Variants in KIAA1549 observed in about 807,000 individuals in gnomAD.
The protein encoded by KIAA1549 is UPF0606 protein KIAA1549.
Under a neutral mutation model 156.4 loss-of-function variants are expected in KIAA1549, and 70 were observed. The ratio of observed to expected loss-of-function variants is 0.45; its 90% CI spans 0.37 to 0.55. The LOEUF (loss-of-function observed/expected upper bound fraction) is 0.55. KIAA1549 is among the 20% of genes least tolerant of loss of function. The probability of loss-of-function intolerance (pLI) is 0.00; values close to 1 mark genes in which losing one functional copy is unlikely to be tolerated. For missense variants in KIAA1549, 2,428 were observed against 2,540.9 expected (o/e 0.96, Z 0.96); for synonymous variants, 1,103 against 1,066.4 (o/e 1.03, Z -0.67).
intron 15 of KIAA1549, among the ~76,000 whole-genome samples, chr7:138,865,995 G>A (rs1810728250): frequency 1.3e-5 from 2 of 152,080 alleles, no homozygotes; most frequent in Admixed American, 1.3e-4. Context: ...AGCTCCGGGT[G>A]ACAACCCTGG....
intron 1 of KIAA1549, among the ~76,000 whole-genome samples, chr7:138,966,136 T>C (rs540498865): frequency 6.6e-6 from 1 of 152,280 alleles, no homozygotes; most frequent in African/African-American, 2.4e-5. Context: ...AAAATTCACA[T>C]GTTGAAGTCC....
Position 138,836,247 on chromosome 7 carries a change from T to C in KIAA1549, c.*1659A>G, listed in dbSNP as rs1809702810. 1 of 203,312 alleles carries C rather than the reference T, an allele frequency of 4.9e-6. No individual in the cohort carries two copies. The highest frequency in any genetic ancestry group is 1.9e-4 in the South Asian group (1 of 5,286). The allele number at this position is 203,312 out of a possible 1,614,324, so 12.6% of individuals were successfully genotyped here. ...AGTCCCATAAGATTATAAAATTGTATTTTTACCATACCTTTTCTATGTTTA... is the reference window on the plus strand; with the variant it reads ...AGTCCCATAAGATTATAAAATTGTACTTTTACCATACCTTTTCTATGTTTA... On this transcript the variant is annotated 3_prime_UTR_variant, in exon 20 of 20. Coordinates refer to ENST00000422774, the MANE Select transcript of KIAA1549 (RefSeq NM_001164665.2).
rs932882306 is a variant in KIAA1549 at position 138,832,734 on chromosome 7, C to T, written c.*5172G>A. ...GCTGCTGTGTTTTAAGATAAATTAT[C>T]AAGCCTACTGTCACACACACAAGCA... On this transcript the variant is annotated 3_prime_UTR_variant, in exon 20 of 20. Transcript: ENST00000422774. 1 of 219,978 alleles carries T rather than the reference C, an allele frequency of 4.5e-6. No homozygotes were observed. The highest frequency in any genetic ancestry group is 9.1e-6 in the Non-Finnish European group (1 of 109,896). 13.6% of individuals were successfully genotyped at this position (219,978 alleles called of 1,614,324 possible).
At position 138,879,591 on chromosome 7, in the gene KIAA1549, T is replaced by A. The variant is rs377594285; in HGVS notation, c.4292A>T (p.Asp1431Val). 5.7e-5 allele frequency: 89 copies of A among 1,568,996 alleles called. No individual in the cohort carries two copies. Among genetic ancestry groups the A allele is most frequent in the Non-Finnish European group, 5.6e-5 (65 of 1,156,888 alleles). ...SEESSERDAG[D>V]KTPGAVNDGR... Reference sequence around the variant, plus strand: ...ATCGTTGACGGCTCCCGGCGTCTTATCTCCTGCGTCCCTCTCGCTGGACTC... The same window carrying A: ...ATCGTTGACGGCTCCCGGCGTCTTAACTCCTGCGTCCCTCTCGCTGGACTC... The change falls in exon 12 of 20, where the codon GAT (aspartate) becomes GTT (valine). Residue 1431 changes from aspartate (D) to valine (V), a missense_variant. Asp to Val is a radical substitution (Grantham distance 152, BLOSUM62 -3). Around this residue, in one of 5 missense-constraint regions of KIAA1549, gnomAD observed 404 missense variants for 417.0 expected, o/e 0.97. Coordinates refer to ENST00000422774, the MANE Select transcript of KIAA1549 (RefSeq NM_001164665.2).
chr7:138,922,617 A>C (rs1584759339), intron 1 of KIAA1549, among the ~76,000 whole-genome samples: 1 of 152,036 alleles, frequency 6.6e-6, no homozygotes, highest in East Asian at 1.9e-4. Context: ...AGAAATAAAA[A>C]TTTTATAATT....
intron 12 of KIAA1549, among the ~76,000 whole-genome samples, chr7:138,873,938 A>G (rs1221425753): frequency 7.0e-6 from 1 of 142,236 alleles, no homozygotes; most frequent in Non-Finnish European, 1.5e-5. Context: ...CATATAATAT[A>G]TATCACACAT....
At chr7:138,926,844 AG>A (rs1348412803) in intron 1 of KIAA1549, among the ~76,000 whole-genome samples, 1 of 152,116 alleles carries the variant, frequency 6.6e-6, no homozygotes, top group Non-Finnish European at 1.5e-5. Flanking sequence ...AAATAATACA[AG>A]GAACACTTGA....
At chr7:138,868,220 A>G (rs1183785018) in intron 14 of KIAA1549, 92 bp from the exon 15 acceptor site, 2 of 1,253,104 alleles carry the variant, frequency 1.6e-6, no homozygotes. Context: ...AGTACCTAGG[A>G]TGTGCTACCC....
chr7:138,857,113 G>A (rs556506546), intron 16 of KIAA1549, among the ~76,000 whole-genome samples: 8 of 152,192 alleles, frequency 5.3e-5, no homozygotes, highest in Admixed American at 1.3e-4. Flanking sequence ...GTGGGTTTCC[G>A]GTTTGCAGAA....
chr7:138,952,577 C>G (rs1813533198), intron 1 of KIAA1549, among the ~76,000 whole-genome samples: 1 of 152,202 alleles, frequency 6.6e-6, no homozygotes, highest in African/African-American at 2.4e-5. Flanking sequence ...CTGTGAAGGG[C>G]TGACGTGAAT....
At position 138,872,576 on chromosome 7, in the gene KIAA1549, C is replaced by T. The variant is rs73468173; in HGVS notation, c.4346-1214G>A. Among the ~76,000 whole-genome samples the T allele has an allele frequency of 4.1e-3, 626 of 152,158 alleles. 7 individuals are homozygous for T. The highest frequency in any genetic ancestry group is 0.015 in the African/African-American group (606 of 41,500). On this transcript the variant is annotated intron_variant, in intron 12 of 19. Coordinates refer to ENST00000422774, the MANE Select transcript of KIAA1549 (RefSeq NM_001164665.2). ...AAAAAGAGAAAGAGAAAAATGAAGACGGGCTGAGTAGAAAGAGCTAGTTAC... is the reference window on the plus strand; with the variant it reads ...AAAAAGAGAAAGAGAAAAATGAAGATGGGCTGAGTAGAAAGAGCTAGTTAC...
chr7:138,885,186 T>C (rs1811355304), intron 10 of KIAA1549, among the ~76,000 whole-genome samples: 1 of 152,176 alleles, frequency 6.6e-6, no homozygotes, highest in South Asian at 2.1e-4. Context: ...CCAGGTGGAT[T>C]GTAATCCACC....
chr7:138,889,015 A>C (rs1326339123), intron 10 of KIAA1549, among the ~76,000 whole-genome samples: 2 of 152,216 alleles, frequency 1.3e-5, no homozygotes, highest in African/African-American at 2.4e-5. Flanking sequence ...CCTCTAAGCG[A>C]AAGAAAACAG....
intron 1 of KIAA1549, among the ~76,000 whole-genome samples, chr7:138,963,118 T>C (rs1327472066): frequency 7.2e-5 from 11 of 152,258 alleles, no homozygotes; most frequent in Non-Finnish European, 4.4e-5. Flanking sequence ...GCTCCATCAA[T>C]GTTGGCTGAG....
At chr7:138,970,474 T>TATGCAAA (rs1396423477) in intron 1 of KIAA1549, among the ~76,000 whole-genome samples, 2 of 152,218 alleles carry the variant, frequency 1.3e-5, no homozygotes, top group Admixed American at 1.3e-4. Context: ...GCTGCATTTT[T>TATGCAAA]ATGCGCTATG....
At position 138,918,033 on chromosome 7, in the gene KIAA1549, C is replaced by T. The variant is rs535056336; in HGVS notation, c.1593G>A (p.Pro531=). ...VPPAHGRLSV[P]ASLDPTAGSL... is the part of the protein sequence containing the mutation. ...AGCCAGCAGTAGGATCAAGTGACGC[C>T]GGCACAGAGAGGCGGCCGTGGGCAG... Residue 531 remains proline (P), a synonymous_variant, in exon 2 of 20, where the codon CCG becomes CCA. Coordinates refer to ENST00000422774, the MANE Select transcript of KIAA1549 (RefSeq NM_001164665.2). This position sits in a 1 kb window ranked among gnomAD's most constrained non-coding sequence, Gnocchi z 4.2. 86 of 1,609,526 alleles carry T rather than the reference C, an allele frequency of 5.3e-5. No individual in the cohort carries two copies. The highest frequency in any genetic ancestry group is 5.9e-5 in the Non-Finnish European group (70 of 1,177,936).
chr7:138,868,524 T>C (rs1030557170), intron 14 of KIAA1549, among the ~76,000 whole-genome samples: 1 of 152,118 alleles, frequency 6.6e-6, no homozygotes, highest in Non-Finnish European at 1.5e-5. Flanking sequence ...ACTTCCCAGG[T>C]TGAAACAATT....
intron 10 of KIAA1549, among the ~76,000 whole-genome samples, chr7:138,887,152 C>T (rs866316485): frequency 1.3e-5 from 2 of 152,158 alleles, no homozygotes; most frequent in African/African-American, 2.4e-5. Context: ...TTAGGTTATC[C>T]GCCTGCTTCA....
At chr7:138,969,329 T>A (rs764766669) in intron 1 of KIAA1549, among the ~76,000 whole-genome samples, 17 of 152,254 alleles carry the variant, frequency 1.1e-4, no homozygotes, top group Admixed American at 7.9e-4. Context: ...TTCTACTTCC[T>A]GTCTCCATGG....
Sources: allele counts gnomAD v4.1 joint callset (sites outside exome capture counted in the v4.1 genomes callset), GRCh38; gene constraint gnomAD v4.1.1; regional missense constraint gnomAD v4.1.1; non-coding constraint Gnocchi (gnomAD v3.1); transcripts MANE v1.5; gene names NCBI Gene and HGNC (gene_info 2026-07-23, HGNC 2026-07-21).